Variants in ESRRG observed in about 807,000 individuals in gnomAD.
The protein encoded by ESRRG is estrogen related receptor gamma.
ESRRG carries 13 observed loss-of-function variants against 44.0 expected under a neutral mutation model. That is an observed-to-expected ratio of 0.30 (90% confidence interval 0.19 to 0.47). The LOEUF (loss-of-function observed/expected upper bound fraction) is 0.47, where lower values mean the gene tolerates loss of function less well. Among genes scored for constraint, ESRRG ranks in the 20% least tolerant of loss-of-function variants. ESRRG has a pLI of 1.00. For synonymous variants in ESRRG, 215 were observed against 214.6 expected (o/e 1.00, Z -0.02); for missense variants, 395 against 580.6 (o/e 0.68, Z 3.29).
chr1:217,000,822 C>G (rs1342783427), intron 1 of ESRRG: 1 of 152,216 alleles, frequency 6.6e-6, no homozygotes, highest in Non-Finnish European at 1.5e-5. Flanking sequence ...CCTATGCACT[C>G]TGTGTGTGTT....
In ESRRG at chr1:216,829,979, C is replaced by T. The variant is rs957343112; in HGVS notation, c.-14+109603G>A. On this transcript the variant is annotated intron_variant, in intron 2 of 7. Transcript: ENST00000359162. ...ATGCACAAACTGGTATCAGCAAAGGCCTAAGCAATATCATGTTTCTAAATG... is the reference window on the plus strand; with the variant it reads ...ATGCACAAACTGGTATCAGCAAAGGTCTAAGCAATATCATGTTTCTAAATG... 2.6e-5 allele frequency among the ~76,000 whole-genome samples: 4 copies of T among 152,074 alleles called. No homozygotes were observed. In the South Asian group the frequency reaches 6.2e-4, roughly 24 times the overall value.
intron 1 of ESRRG, among the ~76,000 whole-genome samples, chr1:216,688,769 G>T (rs2078507911): frequency 6.6e-6 from 1 of 152,050 alleles, no homozygotes; most frequent in Admixed American, 6.6e-5. Flanking sequence ...TACAATTTTT[G>T]TCAAGTTTAG....
At chr1:216,843,320 C>A (rs553766571) in intron 2 of ESRRG, among the ~76,000 whole-genome samples, 1 of 151,900 alleles carries the variant, frequency 6.6e-6, no homozygotes, top group Admixed American at 6.6e-5. Context: ...AGAAGACAAC[C>A]TTTTTTCCAC....
chr1:216,674,277 A>G (rs2075707785), intron 2 of ESRRG, among the ~76,000 whole-genome samples: 1 of 152,168 alleles, frequency 6.6e-6, no homozygotes, highest in Non-Finnish European at 1.5e-5. Flanking sequence ...TGCACAGACC[A>G]TTGTTTTTAG....
intron 3 of ESRRG, among the ~76,000 whole-genome samples, chr1:216,596,790 T>C (rs1450534552): frequency 1.3e-5 from 2 of 152,164 alleles, no homozygotes; most frequent in African/African-American, 4.8e-5. Context: ...CAGTGGCATA[T>C]GTTTGCATCT....
At chr1:216,935,693 T>G (rs1437071393) in intron 2 of ESRRG, among the ~76,000 whole-genome samples, 1 of 152,000 alleles carries the variant, frequency 6.6e-6, no homozygotes, top group Non-Finnish European at 1.5e-5. Flanking sequence ...CTTGGGTCAC[T>G]GCAACCTCTG....
chr1:217,100,892 C>G (rs1472590436), intron 1 of ESRRG, among the ~76,000 whole-genome samples: 1 of 152,204 alleles, frequency 6.6e-6, no homozygotes, highest in Non-Finnish European at 1.5e-5. Flanking sequence ...TACATTTCAA[C>G]AGGAGATTTG....
intron 1 of ESRRG, among the ~76,000 whole-genome samples, chr1:216,695,286 C>T (rs960880927): frequency 1.3e-5 from 2 of 151,970 alleles, no homozygotes; most frequent in African/African-American, 4.8e-5. Context: ...ACAAAAATCT[C>T]ATATGTGATA....
At chr1:216,539,329 G>A (rs2051974318) in intron 5 of ESRRG, among the ~76,000 whole-genome samples, 2 of 151,682 alleles carry the variant, frequency 1.3e-5, no homozygotes, top group African/African-American at 4.8e-5. Context: ...AGTAAGAATG[G>A]CATGTCCCTG....
intron 5 of ESRRG, among the ~76,000 whole-genome samples, chr1:216,552,365 G>A (rs2056586972): frequency 6.6e-6 from 1 of 152,148 alleles, no homozygotes; most frequent in South Asian, 2.1e-4. Context: ...TAATAGACCT[G>A]AGTTTTAGTC....
intron 2 of ESRRG, among the ~76,000 whole-genome samples, chr1:216,676,288 G>T (rs947148482): frequency 7.2e-5 from 11 of 151,936 alleles, no homozygotes; most frequent in Non-Finnish European, 1.3e-4. Context: ...ACTGTATGGC[G>T]GAAATAATGT....
chr1:217,099,932 G>C (rs150125589), intron 1 of ESRRG, among the ~76,000 whole-genome samples: 2 of 151,698 alleles, frequency 1.3e-5, no homozygotes, highest in African/African-American at 4.8e-5. Flanking sequence ...TGGAGAATCC[G>C]TAGTAATAAT....
intron 2 of ESRRG, among the ~76,000 whole-genome samples, chr1:216,833,603 C>T (rs1395088336): frequency 6.6e-6 from 1 of 152,122 alleles, no homozygotes; most frequent in East Asian, 1.9e-4. Flanking sequence ...TTTTCCTACT[C>T]CTCTTTAAAA....
At chr1:216,998,593 C>T (rs2076654209) in intron 1 of ESRRG, among the ~76,000 whole-genome samples, 1 of 152,160 alleles carries the variant, frequency 6.6e-6, no homozygotes. Flanking sequence ...ATTTTGCTTA[C>T]ATTTTGTTAT....
intron 1 of ESRRG, among the ~76,000 whole-genome samples, chr1:217,044,648 A>G (rs1331248817): frequency 2.6e-5 from 4 of 152,180 alleles, no homozygotes; most frequent in Non-Finnish European, 5.9e-5. Flanking sequence ...TATAAATGAC[A>G]CATAAAGTCT....
At chr1:216,918,742 A>G (rs537107152) in intron 2 of ESRRG, among the ~76,000 whole-genome samples, 18 of 151,516 alleles carry the variant, frequency 1.2e-4, no homozygotes, top group African/African-American at 4.3e-4. Flanking sequence ...TTAGCTAAAA[A>G]TAAAAAAATT....
chr1:216,773,473 T>C (rs2093465440), intron 2 of ESRRG, among the ~76,000 whole-genome samples: 1 of 152,138 alleles, frequency 6.6e-6, no homozygotes, highest in Non-Finnish European at 1.5e-5. Context: ...CTTTGGGATC[T>C]TCCCACTTTT....
intron 1 of ESRRG, among the ~76,000 whole-genome samples, chr1:217,016,346 C>T (rs1266343872): frequency 6.6e-6 from 1 of 151,876 alleles, no homozygotes; most frequent in Non-Finnish European, 1.5e-5. Flanking sequence ...TAGAATTTGG[C>T]TCTCATGTGA....
intron 1 of ESRRG, among the ~76,000 whole-genome samples, chr1:216,997,707 A>G (rs1330177122): frequency 1.3e-5 from 2 of 152,218 alleles, no homozygotes; most frequent in Non-Finnish European, 2.9e-5. Flanking sequence ...TTGCTATTCT[A>G]TACGGAAAAG....
Sources: allele counts gnomAD v4.1 joint callset (sites outside exome capture counted in the v4.1 genomes callset), GRCh38; gene constraint gnomAD v4.1.1; transcripts MANE v1.5; gene names NCBI Gene and HGNC (gene_info 2026-07-23, HGNC 2026-07-21).